The following CTNNBL1 variants were observed in gnomAD, a reference collection of about 807,000 sequenced individuals.
CTNNBL1 encodes catenin beta like 1.
Under a neutral mutation model 72.7 loss-of-function variants are expected in CTNNBL1, and 31 were observed. The observed-to-expected ratio is 0.43, with a 90% CI of 0.32 to 0.58. CTNNBL1 has a LOEUF of 0.58. Among genes scored for constraint, CTNNBL1 ranks in the 20% least tolerant of loss-of-function variants. The pLI, the probability that CTNNBL1 is intolerant of heterozygous loss-of-function variation, is 0.08. For missense variants in CTNNBL1, 534 were observed against 725.1 expected (o/e 0.74, Z 3.03); for synonymous variants, 240 against 267.3 (o/e 0.90, Z 1.00).
chr20:37,838,937 G>C (rs536848588), intron 11 of CTNNBL1, among the ~76,000 whole-genome samples: 4 of 152,248 alleles, frequency 2.6e-5, no homozygotes, highest in African/African-American at 9.6e-5. Flanking sequence ...AGTGGAGAGG[G>C]CAGGTAGACA....
chr20:37,749,152 T>A (rs1007075075), intron 4 of CTNNBL1, among the ~76,000 whole-genome samples: 1 of 152,210 alleles, frequency 6.6e-6, no homozygotes, highest in Non-Finnish European at 1.5e-5. Flanking sequence ...AGTCCGGTGT[T>A]CCTCCAGTGC....
At chr20:37,708,963 C>A (rs188290754) in intron 1 of CTNNBL1, among the ~76,000 whole-genome samples, 2 of 152,162 alleles carry the variant, frequency 1.3e-5, no homozygotes, top group East Asian at 3.9e-4. Flanking sequence ...ATGGTGAAAC[C>A]CTGTCTCTAC....
chr20:37,726,030 A>G (rs1211093174), intron 1 of CTNNBL1, among the ~76,000 whole-genome samples: 1 of 152,184 alleles, frequency 6.6e-6, no homozygotes, highest in East Asian at 1.9e-4. Flanking sequence ...ACATGCATAC[A>G]TATATGCATA....
intron 5 of CTNNBL1, among the ~76,000 whole-genome samples, chr20:37,759,790 G>A (rs1023771085): frequency 2.0e-5 from 3 of 151,778 alleles, no homozygotes; most frequent in East Asian, 1.9e-4. Flanking sequence ...CAGAACCAGC[G>A]GTGGTCTTCC....
At chr20:37,829,579 C>T (rs2072190066) in intron 11 of CTNNBL1, among the ~76,000 whole-genome samples, 1 of 152,124 alleles carries the variant, frequency 6.6e-6, no homozygotes, top group South Asian at 2.1e-4. Flanking sequence ...TCCTTCCTTC[C>T]CTCCTGCGAC....
chr20:37,826,746 T>A lies in CTNNBL1; in HGVS notation c.1214-13356T>A, dbSNP rs545791949. Reference sequence around the variant, plus strand: ...ATTTCCCTCACCACATGTTTATCCATGTCTGTGTCAGTCATCCATCCATGT... The same window carrying A: ...ATTTCCCTCACCACATGTTTATCCAAGTCTGTGTCAGTCATCCATCCATGT... On this transcript the variant is annotated intron_variant, in intron 11 of 15. Coordinates refer to ENST00000361383, the MANE Select transcript of CTNNBL1 (RefSeq NM_030877.5). Among the ~76,000 whole-genome samples the A allele has an allele frequency of 3.9e-5, 6 of 152,370 alleles. No individual in the cohort carries two copies. In the East Asian group the frequency reaches 9.6e-4, roughly 24 times the overall value.
chr20:37,712,779 A>G (rs939947434), intron 1 of CTNNBL1, among the ~76,000 whole-genome samples: 4 of 152,222 alleles, frequency 2.6e-5, no homozygotes, highest in Non-Finnish European at 5.9e-5. Flanking sequence ...GTTAGCACAT[A>G]GAGATATGAA....
chr20:37,838,474 G>C (rs898506184), intron 11 of CTNNBL1, among the ~76,000 whole-genome samples: 4 of 152,184 alleles, frequency 2.6e-5, no homozygotes, highest in Non-Finnish European at 4.4e-5. Context: ...GAGAATCAAA[G>C]GCATTTTCAC....
chr20:37,799,931 G>T (rs1021422748), intron 10 of CTNNBL1, among the ~76,000 whole-genome samples: 2 of 152,168 alleles, frequency 1.3e-5, no homozygotes, highest in South Asian at 2.1e-4. Context: ...AAGTAAACCA[G>T]GATGGCCTGT....
intron 1 of CTNNBL1, among the ~76,000 whole-genome samples, chr20:37,707,120 G>A (rs2072892204): frequency 6.6e-6 from 1 of 152,160 alleles, no homozygotes. Flanking sequence ...CTAGAACACA[G>A]GCAGGGTAGA....
chr20:37,837,652 A>G (rs971469360), intron 11 of CTNNBL1, among the ~76,000 whole-genome samples: 3 of 106,306 alleles, frequency 2.8e-5, no homozygotes, highest in Admixed American at 1.1e-4. Flanking sequence ...GCTAGGCATT[A>G]TATATAAAAG....
chr20:37,860,515 C>A (rs1172442413), intron 15 of CTNNBL1, among the ~76,000 whole-genome samples, 171 bp downstream of exon 15: 1 of 152,206 alleles, frequency 6.6e-6, no homozygotes, highest in East Asian at 1.9e-4. Context: ...ATACGGAAGA[C>A]TAGCCTTGTT....
intron 11 of CTNNBL1, among the ~76,000 whole-genome samples, chr20:37,803,997 T>C (rs1039622765): frequency 6.6e-6 from 1 of 152,078 alleles, no homozygotes; most frequent in African/African-American, 2.4e-5. Flanking sequence ...CTCTCCCAAC[T>C]TGGAGTGGCT....
At chr20:37,780,573 A>G (rs1199557589) in intron 10 of CTNNBL1, among the ~76,000 whole-genome samples, 1 of 152,164 alleles carries the variant, frequency 6.6e-6, no homozygotes, top group Non-Finnish European at 1.5e-5. Flanking sequence ...AATCTTCATG[A>G]GAGTTTTCAG....
intron 11 of CTNNBL1, among the ~76,000 whole-genome samples, chr20:37,827,975 C>G (rs1568799269): frequency 6.6e-6 from 1 of 152,146 alleles, no homozygotes; most frequent in Non-Finnish European, 1.5e-5. Flanking sequence ...TGTGTTTGGT[C>G]TGGAATGCGT....
At chr20:37,737,600 C>A in intron 3 of CTNNBL1, 116 bp downstream of exon 3, 1 of 653,546 alleles carries the variant, frequency 1.5e-6, no homozygotes, top group South Asian at 2.0e-5. Flanking sequence ...CCAGGATGAC[C>A]CCCATGTTTG....
At chr20:37,837,307 C>T (rs1353097419) in intron 11 of CTNNBL1, among the ~76,000 whole-genome samples, 1 of 152,132 alleles carries the variant, frequency 6.6e-6, no homozygotes, top group Non-Finnish European at 1.5e-5. Flanking sequence ...ACTTTCTACC[C>T]TCATCCCACC....
chr20:37,808,636 T>G (rs747058905), intron 11 of CTNNBL1, among the ~76,000 whole-genome samples: 1 of 152,162 alleles, frequency 6.6e-6, no homozygotes, highest in Non-Finnish European at 1.5e-5. Context: ...TTGAATAGAT[T>G]GGCAGTGTCT....
chr20:37,796,904 C>A (rs1413401434), intron 10 of CTNNBL1, among the ~76,000 whole-genome samples: 2 of 152,138 alleles, frequency 1.3e-5, no homozygotes, highest in Non-Finnish European at 2.9e-5. Flanking sequence ...ATGTTACTTA[C>A]ATTCACGGTT....
Sources: allele counts gnomAD v4.1 joint callset (sites outside exome capture counted in the v4.1 genomes callset), GRCh38; gene constraint gnomAD v4.1.1; transcripts MANE v1.5; gene names NCBI Gene and HGNC (gene_info 2026-07-23, HGNC 2026-07-21).